The following RANBP2 variants were observed in gnomAD, a reference collection of about 807,000 sequenced individuals.
RANBP2 encodes E3 SUMO-protein ligase RanBP2.
In RANBP2, 57 loss-of-function variants were observed where a neutral mutation model predicts 303.6. The observed-to-expected ratio is 0.19, with a 90% CI of 0.15 to 0.23. RANBP2 has a LOEUF of 0.23. Ranked by LOEUF, RANBP2 falls within the 10% of genes least tolerant of loss-of-function variation. The pLI, the probability that RANBP2 is intolerant of heterozygous loss-of-function variation, is 1.00. For missense variants in RANBP2, 3,138 were observed against 3,780.8 expected (o/e 0.83, Z 4.46); for synonymous variants, 1,167 against 1,301.5 (o/e 0.90, Z 2.23).
the RANBP2 span, chr2:109,130,188 T>C: frequency 5.7e-6 from 7 of 1,222,522 alleles, no homozygotes; most frequent in African/African-American, 1.1e-4. Flanking sequence ...TGGGGGGCAG[T>C]GATGAGGTGC....
chr2:109,412,973 G>A, the RANBP2 span, among the ~76,000 whole-genome samples: 1 of 152,024 alleles, frequency 6.6e-6, no homozygotes, highest in Non-Finnish European at 1.5e-5. Context: ...CGGCACAGGC[G>A]GCAGTGGGGC....
chr2:109,428,155 C>T, the RANBP2 span, among the ~76,000 whole-genome samples: 3 of 152,296 alleles, frequency 2.0e-5, no homozygotes, highest in South Asian at 2.1e-4. Context: ...TTCGAGCCAG[C>T]GTGGCCCTGG....
the RANBP2 span, among the ~76,000 whole-genome samples, chr2:109,257,542 CTG>C: frequency 6.6e-6 from 1 of 152,294 alleles, no homozygotes. Context: ...AGCTAGGAAA[CTG>C]TGGCCCAAGT....
At chr2:109,115,484 T>C in the RANBP2 span, among the ~76,000 whole-genome samples, 1 of 152,164 alleles carries the variant, frequency 6.6e-6, no homozygotes, top group Admixed American at 6.6e-5. Flanking sequence ...ATTTGCTTGG[T>C]AGATCTTCCT....
At chr2:109,574,149 T>G in the RANBP2 span, among the ~76,000 whole-genome samples, 1 of 152,068 alleles carries the variant, frequency 6.6e-6, no homozygotes, top group Non-Finnish European at 1.5e-5. Context: ...GTTTTAAAGA[T>G]TTCCAGGCGC....
chr2:108,787,103 G>GGGTGCCGC (rs1225536112), downstream of RANBP2, among the ~76,000 whole-genome samples: 1 of 152,286 alleles, frequency 6.6e-6, no homozygotes, highest in East Asian at 1.9e-4. Flanking sequence ...GGGGGTGCGG[G>GGGTGCCGC]GGTGCCGCTT....
At chr2:108,844,204 G>T in the RANBP2 span, among the ~76,000 whole-genome samples, 2 of 151,980 alleles carry the variant, frequency 1.3e-5, no homozygotes, top group South Asian at 4.2e-4. Context: ...TCCTTTCCTG[G>T]ACTCTAATGA....
the RANBP2 span, among the ~76,000 whole-genome samples, chr2:109,636,754 AT>A: frequency 6.6e-6 from 1 of 152,168 alleles, no homozygotes; most frequent in Non-Finnish European, 1.5e-5. Flanking sequence ...CCTGGCCAAC[AT>A]GATGAAACCC....
chr2:109,314,917 G>T, the RANBP2 span, among the ~76,000 whole-genome samples: 1 of 152,192 alleles, frequency 6.6e-6, no homozygotes, highest in Non-Finnish European at 1.5e-5. Flanking sequence ...GTGACCAAAA[G>T]AAACTTCGTC....
At chr2:109,643,316 C>T in the RANBP2 span, among the ~76,000 whole-genome samples, 1 of 152,144 alleles carries the variant, frequency 6.6e-6, no homozygotes, top group Non-Finnish European at 1.5e-5. Context: ...AGAGCAACTC[C>T]ATCTTGAATA....
chr2:109,438,319 G>A, the RANBP2 span, among the ~76,000 whole-genome samples: 1 of 152,116 alleles, frequency 6.6e-6, no homozygotes. Context: ...AGTGCCTGGT[G>A]TCTGGCACCA....
chr2:108,746,087 T>A (rs1450255564), intron 7 of RANBP2, among the ~76,000 whole-genome samples: 2 of 151,946 alleles, frequency 1.3e-5, no homozygotes, highest in Non-Finnish European at 2.9e-5. Context: ...AAAAAAACAT[T>A]TTTTAGAGAT....
chr2:108,875,741 C>A, the RANBP2 span, among the ~76,000 whole-genome samples: 1 of 152,110 alleles, frequency 6.6e-6, no homozygotes, highest in Non-Finnish European at 1.5e-5. Context: ...CGCCTGTAGT[C>A]CTAGCTACTT....
At chr2:109,076,224 G>GA in the RANBP2 span, among the ~76,000 whole-genome samples, 1 of 149,964 alleles carries the variant, frequency 6.7e-6, no homozygotes, top group Non-Finnish European at 1.5e-5. Context: ...GAAAATATTT[G>GA]AAAAAAATCA....
chr2:109,619,532 T>TG, the RANBP2 span, among the ~76,000 whole-genome samples: 2 of 152,210 alleles, frequency 1.3e-5, no homozygotes, highest in Non-Finnish European at 2.9e-5. Flanking sequence ...GGCAAAGGGA[T>TG]GTGGTACTCC....
chr2:108,765,854 A>G lies in RANBP2; in HGVS notation c.5315A>G (p.Lys1772Arg). ...PASSEISKAP[K>R]SGFEGMFIRK... The stretch of plus-strand genomic sequence containing the variant: ...TCTTCGGAGATAAGCAAGGCTCCAA[A>G]GAGTGGATTTGAAGGAATGTTCATC... The change falls in exon 20 of 29, where the codon AAG becomes AGG. Residue 1772 changes from lysine (K) to arginine (R), a missense_variant. Physicochemically the swap from Lys to Arg is conservative, Grantham distance 26. Around this residue, in one of 20 missense-constraint regions of RANBP2, gnomAD observed 348 missense variants for 360.4 expected, o/e 0.97. Coordinates refer to ENST00000283195, the MANE Select transcript of RANBP2 (RefSeq NM_006267.5). 2 of 1,614,176 alleles carry G rather than the reference A, an allele frequency of 1.2e-6. No individual in the cohort carries two copies. Among genetic ancestry groups the G allele is most frequent in the Non-Finnish European group, 1.7e-6 (2 of 1,180,000 alleles).
At chr2:108,897,115 C>T in the RANBP2 span, 1 of 1,614,120 alleles carries the variant, frequency 6.2e-7, no homozygotes, top group Non-Finnish European at 8.5e-7. Flanking sequence ...CAGGCCGAAG[C>T]TCTCGGCGAG....
At chr2:109,672,059 C>A in the RANBP2 span, among the ~76,000 whole-genome samples, 1 of 152,118 alleles carries the variant, frequency 6.6e-6, no homozygotes, top group Non-Finnish European at 1.5e-5. Flanking sequence ...CCTTAACAAG[C>A]AACAAACCAA....
the RANBP2 span, among the ~76,000 whole-genome samples, chr2:109,467,348 G>A: frequency 6.6e-6 from 1 of 152,264 alleles, no homozygotes; most frequent in Non-Finnish European, 1.5e-5. Flanking sequence ...TGGAAGGGAA[G>A]CGCAAAATCG....
Sources: allele counts gnomAD v4.1 joint callset (sites outside exome capture counted in the v4.1 genomes callset), GRCh38; gene constraint gnomAD v4.1.1; regional missense constraint gnomAD v4.1.1; transcripts MANE v1.5; gene names NCBI Gene and HGNC (gene_info 2026-07-23, HGNC 2026-07-21).